Variants in HTR4 observed in about 807,000 individuals in gnomAD.
The protein encoded by HTR4 is 5-hydroxytryptamine receptor 4, also known as 5-hydroxytryptamine (serotonin) receptor 4, G protein-coupled.
In HTR4, 16 loss-of-function variants were observed where a neutral mutation model predicts 36.8. The ratio of observed to expected loss-of-function variants is 0.43; its 90% CI spans 0.29 to 0.66. The LOEUF (loss-of-function observed/expected upper bound fraction) is 0.66. HTR4 is among the 30% of genes least tolerant of loss of function. HTR4 has a pLI of 0.13. For synonymous variants in HTR4, 189 were observed against 185.1 expected, an observed-to-expected ratio of 1.02 and a Z score of -0.17; for missense variants, 438 against 490.9, an observed-to-expected ratio of 0.89 and a Z score of 1.02.
At chr5:148,538,486 G>A (rs537950916) in intron 4 of HTR4, among the ~76,000 whole-genome samples, 1 of 152,056 alleles carries the variant, frequency 6.6e-6, no homozygotes, top group Admixed American at 6.6e-5. Context: ...CCATAGTATT[G>A]CCCCAAAAGC....
At chr5:148,529,384 C>T (rs192164562) in intron 4 of HTR4, among the ~76,000 whole-genome samples, 36 of 152,226 alleles carry the variant, frequency 2.4e-4, no homozygotes, top group African/African-American at 6.7e-4. Flanking sequence ...CACGGGAGTG[C>T]GTCTTTCCCA....
chr5:148,527,505 C>T (rs1158765925), intron 4 of HTR4, among the ~76,000 whole-genome samples: 1 of 152,152 alleles, frequency 6.6e-6, no homozygotes, highest in African/African-American at 2.4e-5. Context: ...TTGCCTTACC[C>T]TAGATTTCTA....
At chr5:148,565,251 C>T (rs962457282) in intron 2 of HTR4, among the ~76,000 whole-genome samples, 1 of 152,024 alleles carries the variant, frequency 6.6e-6, no homozygotes, top group African/African-American at 2.4e-5. Context: ...GACATTAACA[C>T]TGGTCCTGGT....
intron 6 of HTR4, among the ~76,000 whole-genome samples, chr5:148,495,612 C>T (rs1756650868): frequency 6.6e-6 from 1 of 152,168 alleles, no homozygotes; most frequent in Non-Finnish European, 1.5e-5. Flanking sequence ...AGCAAGTCCC[C>T]AAAGAACCTC....
intron 2 of HTR4, among the ~76,000 whole-genome samples, chr5:148,594,872 T>C (rs1761710518): frequency 6.6e-6 from 1 of 152,180 alleles, no homozygotes; most frequent in South Asian, 2.1e-4. Context: ...CCAATAGAAT[T>C]TCTCATTTCT....
intron 6 of HTR4, among the ~76,000 whole-genome samples, chr5:148,501,666 C>T (rs898905441): frequency 1.3e-5 from 2 of 152,120 alleles, no homozygotes; most frequent in African/African-American, 4.8e-5. Context: ...TAAGATTTAA[C>T]CTCTAGCAGA....
At chr5:148,476,246 G>C (rs1755690120), downstream of HTR4, among the ~76,000 whole-genome samples, 1 of 152,172 alleles carries the variant, frequency 6.6e-6, no homozygotes, top group Non-Finnish European at 1.5e-5. Context: ...TGGTGAAATG[G>C]AGGCCAATGT....
chr5:148,633,610 A>G (rs775090918), intron 2 of HTR4, among the ~76,000 whole-genome samples: 3 of 139,720 alleles, frequency 2.1e-5, no homozygotes, highest in Admixed American at 8.3e-5. Context: ...ATTCCCATCT[A>G]TGAGTGAGAA....
At chr5:148,632,887 C>A (rs541843715) in intron 2 of HTR4, among the ~76,000 whole-genome samples, 1 of 152,044 alleles carries the variant, frequency 6.6e-6, no homozygotes, top group Admixed American at 6.6e-5. Context: ...TGTTTTAGGG[C>A]TGAATTAAGT....
intron 4 of HTR4, among the ~76,000 whole-genome samples, chr5:148,540,102 C>T (rs180782810): frequency 6.6e-4 from 100 of 152,068 alleles, no homozygotes; most frequent in African/African-American, 2.4e-3. Flanking sequence ...CCATTATCCT[C>T]AGGAAACTAA....
chr5:148,483,095 A>C lies in HTR4; in HGVS notation c.*108T>G. ...ACCGGGTTCCTGCACTGGCGGACGG[A>C]AAGCCTCAGGTGAAGAGAATACCGG... On this transcript the variant is annotated 3_prime_UTR_variant, in exon 7 of 7. Coordinates refer to ENST00000377888, the MANE Select transcript of HTR4 (RefSeq NM_000870.7). 2.0e-6 allele frequency: 3 copies of C among 1,536,020 alleles called. No homozygotes were observed. The South Asian group carries it at 3.6e-5, about 19-fold the overall frequency.
chr5:148,556,215 G>A (rs2113859164), intron 2 of HTR4, among the ~76,000 whole-genome samples: 1 of 152,258 alleles, frequency 6.6e-6, no homozygotes, highest in Non-Finnish European at 1.5e-5. Flanking sequence ...GTAGGGACAG[G>A]GTTTCGCCAT....
intron 5 of HTR4, among the ~76,000 whole-genome samples, chr5:148,456,971 G>A (rs1403261527): frequency 1.3e-5 from 2 of 152,138 alleles, no homozygotes; most frequent in African/African-American, 2.4e-5. Flanking sequence ...CTGAACAAAC[G>A]TTTATTCACT....
downstream of HTR4, chr5:148,476,573 C>T (rs1755703079): frequency 7.0e-7 from 1 of 1,433,428 alleles, no homozygotes. Context: ...ACTGAAGGGG[C>T]AAAGTGGGCT....
intron 1 of HTR4, among the ~76,000 whole-genome samples, chr5:148,650,826 A>G (rs1754012557): frequency 6.6e-6 from 1 of 152,192 alleles, no homozygotes; most frequent in Non-Finnish European, 1.5e-5. Flanking sequence ...TCAGCTGAAC[A>G]CAACTCACAA....
intron 1 of HTR4, among the ~76,000 whole-genome samples, chr5:148,647,231 C>T (rs901735561): frequency 1.3e-5 from 2 of 152,182 alleles, no homozygotes; most frequent in African/African-American, 4.8e-5. Flanking sequence ...ATGGTAATTT[C>T]TCAGTCTGTC....
chr5:148,508,785 T>C (rs534396593), intron 6 of HTR4, among the ~76,000 whole-genome samples: 14 of 152,252 alleles, frequency 9.2e-5, no homozygotes, highest in Admixed American at 3.9e-4. Context: ...AGGCACTACG[T>C]TATTACTATT....
chr5:148,562,259 TTTATGACCC>T (rs1760247062), intron 2 of HTR4, among the ~76,000 whole-genome samples: 1 of 152,200 alleles, frequency 6.6e-6, no homozygotes, highest in African/African-American at 2.4e-5. Context: ...CTTTACTCCC[TTTATGACCC>T]TTTATGAAAA....
chr5:148,554,446 A>C, intron 2 of HTR4, among the ~76,000 whole-genome samples: 1 of 152,228 alleles, frequency 6.6e-6, no homozygotes, highest in East Asian at 1.9e-4. Context: ...AAATAAGTGA[A>C]ATAAATCACA....
Sources: gnomAD v4.1 joint callset for allele counts (sites outside exome capture counted in the v4.1 genomes callset) on GRCh38, gnomAD v4.1.1 for gene constraint, MANE v1.5 for transcripts, NCBI Gene and HGNC (gene_info 2026-07-23, HGNC 2026-07-21) for gene names.